The following COL4A4 variants were observed in gnomAD, a reference collection of about 807,000 sequenced individuals.
COL4A4 encodes the protein collagen type IV alpha 4 chain, also known as collagen alpha-4(IV) chain.
In COL4A4, 105 loss-of-function variants were observed where a neutral mutation model predicts 192.9. The ratio of observed to expected loss-of-function variants is 0.54; its 90% CI spans 0.46 to 0.64. The LOEUF (loss-of-function observed/expected upper bound fraction) is 0.64. Ranked by LOEUF, COL4A4 falls within the 30% of genes least tolerant of loss-of-function variation. The probability of loss-of-function intolerance (pLI) is 0.00; values close to 1 mark genes in which losing one functional copy is unlikely to be tolerated. For synonymous variants in COL4A4, 762 were observed against 769.9 expected, an observed-to-expected ratio of 0.99 and a Z score of 0.17; for missense variants, 1,967 against 2,169.3, an observed-to-expected ratio of 0.91 and a Z score of 1.85.
At chr2:227,045,279 AACT>A (rs1972210797) in intron 35 of COL4A4, among the ~76,000 whole-genome samples, 1 of 152,136 alleles carries the variant, frequency 6.6e-6, no homozygotes, top group Non-Finnish European at 1.5e-5. Context: ...CAGGTGAGGC[AACT>A]ACGCTCAGAG....
chr2:227,034,541 CTTT>C lies in COL4A4; in HGVS notation c.3506-1063_3506-1061del, dbSNP rs557795215. On this transcript the variant is annotated intron_variant, in intron 37 of 47. Coordinates refer to ENST00000396625, the MANE Select transcript of COL4A4 (RefSeq NM_000092.5). ...GTAGATCTTCCACCCAGTAGCTGTT[CTTT>C]TTTTTTTTTAATTAATTAATTAATT... Among the ~76,000 whole-genome samples the C allele has an allele frequency of 2.8e-5, 4 of 143,736 alleles. No individual in the cohort carries two copies. In the South Asian group the frequency reaches 6.7e-4, roughly 24 times the overall value. The allele number at this position is 143,736 out of a possible 152,430, so 94.3% of individuals were successfully genotyped here.
chr2:227,082,070 A>G, intron 23 of COL4A4, 45 bp downstream of exon 23: 1 of 1,490,630 alleles, frequency 6.7e-7, no homozygotes, highest in Non-Finnish European at 9.4e-7. Context: ...GGGTCCATAC[A>G]TCATTCATAA....
chr2:227,160,112 G>A (rs1044515293), intron 1 of COL4A4, among the ~76,000 whole-genome samples: 1 of 152,152 alleles, frequency 6.6e-6, no homozygotes, highest in African/African-American at 2.4e-5. Flanking sequence ...GAGGAAGTCT[G>A]TATAGTGAAC....
rs1364847980 is a variant in COL4A4 at position 227,123,209 on chromosome 2, G to C, written c.193-2061C>G. 6.6e-6 allele frequency among the ~76,000 whole-genome samples: 1 copy of C among 152,182 alleles called. No homozygotes were observed. The highest frequency in any genetic ancestry group is 1.5e-5 in the Non-Finnish European group (1 of 68,034). On this transcript the variant is annotated intron_variant, in intron 4 of 47. Coordinates refer to ENST00000396625, the MANE Select transcript of COL4A4 (RefSeq NM_000092.5). This position sits in a 1 kb window ranked among gnomAD's most constrained non-coding sequence, Gnocchi z 4.6. Reference sequence around the variant, plus strand: ...GTGCTGCTGGCCTTGGCCAGGCCCAGACACCAGGAGGGAGATGGGGCAGGA... The same window carrying C: ...GTGCTGCTGGCCTTGGCCAGGCCCACACACCAGGAGGGAGATGGGGCAGGA...
In COL4A4 at chr2:227,083,602, A is replaced by G. The variant is rs570053523; in HGVS notation, c.1624-1415T>C. Reference sequence around the variant, plus strand: ...GCTAGAACTGCAGGTGCATGCCACCATGCCTGGCTAATTGGATTTTACTTT... The same window carrying G: ...GCTAGAACTGCAGGTGCATGCCACCGTGCCTGGCTAATTGGATTTTACTTT... On this transcript the variant is annotated intron_variant, in intron 22 of 47. Transcript: ENST00000396625. Among the ~76,000 whole-genome samples, 15 of 152,208 alleles carry G rather than the reference A, an allele frequency of 9.9e-5. No homozygotes were observed. In the East Asian group the frequency reaches 2.5e-3, roughly 26 times the overall value.
At chr2:227,147,887 T>C (rs2063653549) in intron 1 of COL4A4, among the ~76,000 whole-genome samples, 1 of 150,798 alleles carries the variant, frequency 6.6e-6, no homozygotes, top group Non-Finnish European at 1.5e-5. Flanking sequence ...ATTGCTTCAT[T>C]TTGCTATGTG....
At chr2:227,036,029 C>CT (rs569546111) in intron 37 of COL4A4, among the ~76,000 whole-genome samples, 2 of 152,204 alleles carry the variant, frequency 1.3e-5, no homozygotes, top group Non-Finnish European at 2.9e-5. Flanking sequence ...AATCCCATCT[C>CT]TAAATCAGAA....
intron 8 of COL4A4, among the ~76,000 whole-genome samples, chr2:227,114,394 T>C (rs986851495): frequency 6.6e-6 from 1 of 152,216 alleles, no homozygotes; most frequent in African/African-American, 2.4e-5. Context: ...AATACATCCC[T>C]TGCAGTTCTG....
At chr2:226,974,458 C>T in the COL4A4 span, among the ~76,000 whole-genome samples, 2 of 152,060 alleles carry the variant, frequency 1.3e-5, no homozygotes, top group Non-Finnish European at 2.9e-5. Context: ...AGGATGGTTT[C>T]GATCTCCTGA....
chr2:227,026,315 G>A (rs1352155910), intron 42 of COL4A4, among the ~76,000 whole-genome samples: 1 of 152,058 alleles, frequency 6.6e-6, no homozygotes, highest in Non-Finnish European at 1.5e-5. Flanking sequence ...GGCTAACACG[G>A]TGAAACCCCG....
At chr2:227,049,043 A>T (rs1281322997) in intron 34 of COL4A4, among the ~76,000 whole-genome samples, 1 of 152,204 alleles carries the variant, frequency 6.6e-6, no homozygotes, top group Non-Finnish European at 1.5e-5. Flanking sequence ...CTTTTAACTT[A>T]TATCAAAATA....
downstream of COL4A4, among the ~76,000 whole-genome samples, chr2:227,002,198 A>G (rs192275197): frequency 1.6e-4 from 24 of 151,614 alleles, no homozygotes; most frequent in Non-Finnish European, 1.6e-4. Flanking sequence ...AAAAGGCCAC[A>G]AAGCAGTTAT....
At chr2:227,062,015 G>A (rs541646809) in intron 26 of COL4A4, among the ~76,000 whole-genome samples, 3 of 152,198 alleles carry the variant, frequency 2.0e-5, no homozygotes, top group East Asian at 1.9e-4. Flanking sequence ...CGAGGTGGGC[G>A]GATCACAAGG....
At chr2:227,045,946 T>TAG in intron 35 of COL4A4, among the ~76,000 whole-genome samples, 1 of 94,186 alleles carries the variant, frequency 1.1e-5, no homozygotes, top group South Asian at 4.1e-4. Flanking sequence ...TATATATGTA[T>TAG]ATATGTATAT....
intron 1 of COL4A4, among the ~76,000 whole-genome samples, chr2:227,163,046 A>T (rs2064975813): frequency 6.6e-6 from 1 of 152,224 alleles, no homozygotes; most frequent in Non-Finnish European, 1.5e-5. Flanking sequence ...GCATGATCAT[A>T]CTTGGTGTCT....
intron 28 of COL4A4, among the ~76,000 whole-genome samples, chr2:227,058,845 T>A (rs1173673136): frequency 1.3e-5 from 2 of 152,146 alleles, no homozygotes; most frequent in African/African-American, 4.8e-5. Flanking sequence ...TCCTGAAGGA[T>A]CCTTACTGAT....
chr2:227,048,965 T>C (rs1395381906), intron 34 of COL4A4, among the ~76,000 whole-genome samples: 3 of 152,182 alleles, frequency 2.0e-5, no homozygotes, highest in Non-Finnish European at 2.9e-5. Flanking sequence ...ATTTATAGAG[T>C]GTCTCTCAAA....
chr2:227,154,056 C>A, intron 1 of COL4A4, among the ~76,000 whole-genome samples: 1 of 152,274 alleles, frequency 6.6e-6, no homozygotes, highest in African/African-American at 2.4e-5. Flanking sequence ...ACATAAGCAC[C>A]CTGGGCCTTT....
chr2:227,064,850 A>T (rs2058195084), intron 25 of COL4A4, among the ~76,000 whole-genome samples: 1 of 152,236 alleles, frequency 6.6e-6, no homozygotes, highest in Admixed American at 6.5e-5. Flanking sequence ...GAAATTTTTC[A>T]CTACAAAACA....
Sources: gnomAD v4.1 joint callset for allele counts (sites outside exome capture counted in the v4.1 genomes callset) on GRCh38, gnomAD v4.1.1 for gene constraint, Gnocchi (gnomAD v3.1) non-coding constraint, MANE v1.5 for transcripts, NCBI Gene and HGNC (gene_info 2026-07-23, HGNC 2026-07-21) for gene names.